The following AP3B1 variants were observed in gnomAD, a reference collection of about 807,000 sequenced individuals.
The protein encoded by AP3B1 is AP-3 complex subunit beta-1.
AP3B1 carries 61 observed loss-of-function variants against 132.5 expected under a neutral mutation model. The observed-to-expected ratio is 0.46, with a 90% CI of 0.37 to 0.57. The LOEUF (loss-of-function observed/expected upper bound fraction) is 0.57. Ranked by LOEUF, AP3B1 falls within the 20% of genes least tolerant of loss-of-function variation. The probability of loss-of-function intolerance (pLI) is 0.00; values close to 1 mark genes in which losing one functional copy is unlikely to be tolerated. For missense variants in AP3B1, 1,120 were observed against 1,289.4 expected, an observed-to-expected ratio of 0.87 and a Z score of 2.01; for synonymous variants, 388 against 438.3, an observed-to-expected ratio of 0.89 and a Z score of 1.43.
chr5:78,254,668 C>A (rs1399077578), intron 2 of AP3B1, among the ~76,000 whole-genome samples: 1 of 152,118 alleles, frequency 6.6e-6, no homozygotes, highest in Non-Finnish European at 1.5e-5. Flanking sequence ...TTCATCAATG[C>A]CAGACCTGTC....
chr5:78,243,164 T>A (rs1747216753), intron 2 of AP3B1, among the ~76,000 whole-genome samples: 1 of 152,216 alleles, frequency 6.6e-6, no homozygotes. Flanking sequence ...TATGGAGGGT[T>A]TACAAAATAC....
intron 22 of AP3B1, among the ~76,000 whole-genome samples, chr5:78,057,414 A>G (rs962532847): frequency 6.6e-6 from 1 of 152,206 alleles, no homozygotes; most frequent in African/African-American, 2.4e-5. Context: ...ATAGACAGTA[A>G]TCTTTGAAAA....
intron 7 of AP3B1, among the ~76,000 whole-genome samples, chr5:78,197,644 T>G (rs568742323): frequency 8.5e-5 from 13 of 152,318 alleles, no homozygotes; most frequent in African/African-American, 3.1e-4. Flanking sequence ...GAGACTTATT[T>G]TATCTGAATG....
rs535786508 is a variant in AP3B1, at chr5:78,038,920, T to G, written c.2809+123A>C. The G allele has an allele frequency of 8.3e-5, 54 of 650,012 alleles. No individual in the cohort carries two copies. In the African/African-American group the frequency reaches 8.4e-4, roughly 10 times the overall value. 40.3% of individuals were successfully genotyped at this position (650,012 alleles called of 1,614,324 possible). A position where few individuals can be genotyped will look rare whatever the true frequency, so the allele number is the denominator to read the frequency against. ...AAAAGCAAATATAAACTGAATATGC[T>G]AATTGTCAATACAATCATATTCTAC... On this transcript the variant is annotated intron_variant, in intron 23 of 26. Coordinates refer to ENST00000255194, the MANE Select transcript of AP3B1 (RefSeq NM_003664.5).
chr5:78,229,107 G>C (rs959104827), intron 3 of AP3B1, among the ~76,000 whole-genome samples: 1 of 151,756 alleles, frequency 6.6e-6, no homozygotes, highest in Non-Finnish European at 1.5e-5. Flanking sequence ...TTTTTTTTAG[G>C]ATTTTATAGA....
At chr5:78,037,080 G>C (rs1172595690) in intron 23 of AP3B1, among the ~76,000 whole-genome samples, 3 of 152,048 alleles carry the variant, frequency 2.0e-5, no homozygotes, top group Non-Finnish European at 2.9e-5. Flanking sequence ...CAATACTGAG[G>C]CAATGGTAAA....
At chr5:78,187,255 C>T (rs1425919806) in intron 7 of AP3B1, among the ~76,000 whole-genome samples, 1 of 152,096 alleles carries the variant, frequency 6.6e-6, no homozygotes. Flanking sequence ...ATTAAATGCT[C>T]TAAGCATAAG....
chr5:78,202,593 A>G (rs868327156), intron 7 of AP3B1, among the ~76,000 whole-genome samples: 55 of 78,890 alleles, frequency 7.0e-4, no homozygotes, highest in Middle Eastern at 0.011. Flanking sequence ...GTGTGTGTGT[A>G]TAAATGCAGG....
At chr5:78,192,395 C>G (rs1393904486) in intron 7 of AP3B1, among the ~76,000 whole-genome samples, 1 of 151,896 alleles carries the variant, frequency 6.6e-6, no homozygotes, top group Non-Finnish European at 1.5e-5. Flanking sequence ...GTAATCCCAG[C>G]ACTTTGGGAG....
chr5:78,226,571 C>G (rs897418892), intron 5 of AP3B1, among the ~76,000 whole-genome samples: 1 of 151,928 alleles, frequency 6.6e-6, no homozygotes, highest in African/African-American at 2.4e-5. Flanking sequence ...TTATAGATTG[C>G]CTTTAATTAT....
At chr5:78,228,714 T>C (rs1381139427) in intron 3 of AP3B1, among the ~76,000 whole-genome samples, 2 of 152,080 alleles carry the variant, frequency 1.3e-5, no homozygotes, top group Non-Finnish European at 1.5e-5. Flanking sequence ...GAGAAAGAAT[T>C]TGGGCCCAGG....
chr5:78,109,644 T>C (rs961052159), intron 20 of AP3B1, among the ~76,000 whole-genome samples: 5 of 152,152 alleles, frequency 3.3e-5, no homozygotes, highest in Non-Finnish European at 7.4e-5. Flanking sequence ...ATACATTTTA[T>C]ATTAATAACT....
chr5:78,193,770 A>ATATATTTTTTTTTTTTTTT, intron 7 of AP3B1, among the ~76,000 whole-genome samples: 1 of 67,218 alleles, frequency 1.5e-5, no homozygotes, highest in East Asian at 3.3e-4. Flanking sequence ...ATATATATAT[A>ATATATTTTTTTTTTTTTTT]TTTTTTTTTT....
At chr5:78,227,329 G>T (rs1454135505) in intron 5 of AP3B1, 43 bp downstream of exon 5, 1 of 1,586,728 alleles carries the variant, frequency 6.3e-7, no homozygotes, top group African/African-American at 1.3e-5. Flanking sequence ...AACATTCCAT[G>T]TAACATCAGA....
At chr5:78,159,561 C>T (rs1443861106) in intron 13 of AP3B1, among the ~76,000 whole-genome samples, 1 of 152,158 alleles carries the variant, frequency 6.6e-6, no homozygotes, top group Non-Finnish European at 1.5e-5. Flanking sequence ...AATCACATCA[C>T]CCTGACCTTC....
chr5:78,214,459 C>G (rs1745875702), intron 7 of AP3B1, among the ~76,000 whole-genome samples: 1 of 152,082 alleles, frequency 6.6e-6, no homozygotes, highest in South Asian at 2.1e-4. Context: ...GGTAAGTACA[C>G]TATATATTTT....
At chr5:78,174,829 G>A (rs1744077693) in intron 11 of AP3B1, among the ~76,000 whole-genome samples, 1 of 152,244 alleles carries the variant, frequency 6.6e-6, no homozygotes. Context: ...TGCCCAGAGT[G>A]GAGTCTATAG....
chr5:78,158,050 ACT>A (rs1288872978), intron 13 of AP3B1, among the ~76,000 whole-genome samples: 3 of 152,122 alleles, frequency 2.0e-5, no homozygotes, highest in African/African-American at 7.2e-5. Context: ...TGCCCGGCCT[ACT>A]CTTTTTCACT....
At chr5:78,202,349 A>C (rs1006662681) in intron 7 of AP3B1, among the ~76,000 whole-genome samples, 2 of 152,114 alleles carry the variant, frequency 1.3e-5, no homozygotes, top group Non-Finnish European at 2.9e-5. Flanking sequence ...ATTTAGGAGG[A>C]GCTCCTCTCC....
Sources: gnomAD v4.1 joint callset for allele counts (sites outside exome capture counted in the v4.1 genomes callset) on GRCh38, gnomAD v4.1.1 for gene constraint, MANE v1.5 for transcripts, NCBI Gene and HGNC (gene_info 2026-07-23, HGNC 2026-07-21) for gene names.